The following UPP2 variants were observed in gnomAD, a reference collection of about 807,000 sequenced individuals.
The protein encoded by UPP2 is uridine phosphorylase 2.
In UPP2, 23 loss-of-function variants were observed where a neutral mutation model predicts 26.7. That is an observed-to-expected ratio of 0.86 (90% confidence interval 0.62 to 1.22). UPP2 has a LOEUF of 1.22. Among genes scored for constraint, UPP2 ranks in the 50% most tolerant of loss-of-function variants. The pLI, the probability that UPP2 is intolerant of heterozygous loss-of-function variation, is 0.00. For missense variants in UPP2, 387 were observed against 396.7 expected, an observed-to-expected ratio of 0.98 and a Z score of 0.21; for synonymous variants, 127 against 141.3, an observed-to-expected ratio of 0.90 and a Z score of 0.72.
rs1199734832 is a variant in UPP2 at position 158,121,587 on chromosome 2, A to G, written c.633A>G (p.Gly211=). The G allele has an allele frequency of 6.2e-7, 1 of 1,613,436 alleles. No homozygotes were observed. Among genetic ancestry groups the G allele is most frequent in the African/African-American group, 1.3e-5 (1 of 75,046 alleles). Residue 211 remains glycine, a synonymous_variant, in exon 5 of 7, where the codon GGA becomes GGG. Transcript: ENST00000005756. ...KEIPNFPTLV[G]HTMCTYDFYE... ...TCCCCAACTTCCCAACCCTCGTTGG[A>G]CATACAATGTGTACCTATGATTTTT...
chr2:158,009,713 T>C (rs916040312), intron 2 of UPP2, among the ~76,000 whole-genome samples: 1 of 152,236 alleles, frequency 6.6e-6, no homozygotes, highest in South Asian at 2.1e-4. Flanking sequence ...GGAACAGGAA[T>C]GCTTCCTCTT....
At chr2:158,015,966 G>A (rs532011163) in intron 3 of UPP2, 6 of 334,468 alleles carry the variant, frequency 1.8e-5, no homozygotes, top group South Asian at 4.4e-5. Context: ...AAGGACTAAC[G>A]CATATACCCA....
chr2:158,026,841 A>T (rs994834041), intron 3 of UPP2, among the ~76,000 whole-genome samples: 1 of 152,192 alleles, frequency 6.6e-6, no homozygotes, highest in African/African-American at 2.4e-5. Context: ...CCTCAGAATC[A>T]TGGTGGGAGG....
intron 3 of UPP2, among the ~76,000 whole-genome samples, chr2:158,022,021 C>T (rs1431282829): frequency 6.6e-6 from 1 of 150,550 alleles, no homozygotes; most frequent in Non-Finnish European, 1.5e-5. Flanking sequence ...GGAAGCCATA[C>T]CATAAAGTCA....
At chr2:158,010,707 T>C (rs1262004502) in intron 2 of UPP2, among the ~76,000 whole-genome samples, 1 of 151,980 alleles carries the variant, frequency 6.6e-6, no homozygotes, top group East Asian at 1.9e-4. Context: ...TATTAATAGG[T>C]AAAAGGTAAT....
chr2:158,004,615 C>T (rs1683461282), intron 2 of UPP2, among the ~76,000 whole-genome samples: 1 of 152,186 alleles, frequency 6.6e-6, no homozygotes. Context: ...CCTCATGAAG[C>T]TCTCTCCTCC....
intron 3 of UPP2, among the ~76,000 whole-genome samples, chr2:158,079,902 G>A (rs143732671): frequency 0.01 from 1,544 of 152,106 alleles, 92 homozygotes; most frequent in Admixed American, 0.092. Context: ...TTTCCTGTCT[G>A]TCAGGCACTA....
chr2:158,037,116 T>C (rs1684014332), intron 3 of UPP2, among the ~76,000 whole-genome samples: 1 of 152,190 alleles, frequency 6.6e-6, no homozygotes, highest in Non-Finnish European at 1.5e-5. Flanking sequence ...GGCTCACACC[T>C]GTAATCCCAG....
In UPP2 at chr2:158,101,880, G is replaced by A. The variant is rs1344060508; in HGVS notation, c.-184G>A. The A allele has an allele frequency of 7.4e-7, 1 of 1,343,866 alleles. No individual in the cohort carries two copies. Among genetic ancestry groups the A allele is most frequent in the Non-Finnish European group, 9.5e-7 (1 of 1,052,116 alleles). The allele number at this position is 1,343,866 out of a possible 1,614,324, so 83.2% of individuals were successfully genotyped here. ...AGGGAGGACATCTTTTATTTGATAG[G>A]AAAATTTAAAATGCTAAAGGAAAAA... On this transcript the variant is annotated 5_prime_UTR_variant, in exon 1 of 7. Coordinates refer to ENST00000005756, the MANE Select transcript of UPP2 (RefSeq NM_173355.4).
chr2:157,996,057 A>G (rs1290705003), intron 2 of UPP2, among the ~76,000 whole-genome samples: 1 of 152,202 alleles, frequency 6.6e-6, no homozygotes, highest in Non-Finnish European at 1.5e-5. Flanking sequence ...TGTTTTTAAA[A>G]GTTCAGATCT....
intron 3 of UPP2, among the ~76,000 whole-genome samples, chr2:158,079,027 C>T (rs571689947): frequency 1.3e-3 from 193 of 152,172 alleles, no homozygotes; most frequent in African/African-American, 4.5e-3. Context: ...ACAGTGAGTC[C>T]TCATGAGATC....
intron 2 of UPP2, among the ~76,000 whole-genome samples, chr2:158,010,851 T>C (rs1029176444): frequency 1.3e-5 from 2 of 151,284 alleles, no homozygotes; most frequent in African/African-American, 4.9e-5. Context: ...CTGCAATCTC[T>C]GCCTCCTGGG....
At chr2:158,012,558 G>A (rs954138995) in intron 2 of UPP2, among the ~76,000 whole-genome samples, 3 of 151,908 alleles carry the variant, frequency 2.0e-5, no homozygotes, top group Admixed American at 6.6e-5. Flanking sequence ...GTGAGCCACC[G>A]TGCCTAGCTG....
Position 158,123,740 on chromosome 2 carries a change from C to T in UPP2, c.665-9C>T. 6.2e-7 allele frequency: 1 copy of T among 1,612,372 alleles called. No homozygotes were observed. Among genetic ancestry groups the T allele is most frequent in the Non-Finnish European group, 8.5e-7 (1 of 1,179,158 alleles). ...ATCAAGTCACTAAACGTTCTCCCCTCCCTTTCAGGCCAAGGCCGACTAGAT... is the reference window on the plus strand; with the variant it reads ...ATCAAGTCACTAAACGTTCTCCCCTTCCTTTCAGGCCAAGGCCGACTAGAT... On this transcript the variant is annotated splice_polypyrimidine_tract_variant and intron_variant, in intron 5 of 6. Coordinates refer to ENST00000005756, the MANE Select transcript of UPP2 (RefSeq NM_173355.4).
At position 158,117,938 on chromosome 2, in the gene UPP2, G is replaced by C; in HGVS notation, c.454G>C (p.Gly152Arg). 6.2e-7 allele frequency: 1 copy of C among 1,602,776 alleles called. No homozygotes were observed. The highest frequency in any genetic ancestry group is 8.6e-7 in the Non-Finnish European group (1 of 1,169,536). Residue 152 changes from glycine (G) to arginine (R), a missense_variant and splice_region_variant, in exon 4 of 7, where the codon GGG (glycine) becomes CGG (arginine). Gly to Arg is a moderately radical substitution (Grantham distance 125). Coordinates refer to ENST00000005756, the MANE Select transcript of UPP2 (RefSeq NM_173355.4). ...TAGAATCGGTACATCAGGGGGAATA[G>C]GTGAGACGGATTGATGTCTACTATT... ...IIRIGTSGGI[G>R]IAPGTVVITD... is the part of the protein sequence containing the mutation.
intron 3 of UPP2, among the ~76,000 whole-genome samples, chr2:158,092,293 C>T (rs1682923830): frequency 6.6e-6 from 1 of 152,098 alleles, no homozygotes; most frequent in Admixed American, 6.6e-5. Context: ...AAAAGTCACA[C>T]CTAAACACAT....
At chr2:158,010,254 A>C (rs1683554782) in intron 2 of UPP2, among the ~76,000 whole-genome samples, 1 of 152,222 alleles carries the variant, frequency 6.6e-6, no homozygotes, top group African/African-American at 2.4e-5. Context: ...ATTATGTATC[A>C]CTTTCCCAAA....
In UPP2 at chr2:158,101,913, A is replaced by G; in HGVS notation, c.-151A>G. 7.4e-7 allele frequency: 1 copy of G among 1,359,448 alleles called. No homozygotes were observed. Among genetic ancestry groups the G allele is most frequent in the Non-Finnish European group, 9.5e-7 (1 of 1,057,278 alleles). The allele number at this position is 1,359,448 out of a possible 1,614,324, so 84.2% of individuals were successfully genotyped here. A position where few individuals can be genotyped will look rare whatever the true frequency, so the allele number is the denominator to read the frequency against. On this transcript the variant is annotated 5_prime_UTR_variant, in exon 1 of 7. The change abolishes the stop of an existing upstream ORF in the 5' untranslated region. Coordinates refer to ENST00000005756, the MANE Select transcript of UPP2 (RefSeq NM_173355.4). ...AAAATGCTAAAGGAAAAATTTTCTT[A>G]GCAATTTCACAGGAAAACCTAAGTT...
At chr2:158,040,076 G>C (rs1044867785) in intron 3 of UPP2, among the ~76,000 whole-genome samples, 1 of 152,198 alleles carries the variant, frequency 6.6e-6, no homozygotes, top group Non-Finnish European at 1.5e-5. Flanking sequence ...ATCTTTGTGG[G>C]CTGACTGCAG....
Sources: allele counts gnomAD v4.1 joint callset (sites outside exome capture counted in the v4.1 genomes callset), GRCh38; gene constraint gnomAD v4.1.1; transcripts MANE v1.5; gene names NCBI Gene and HGNC (gene_info 2026-07-23, HGNC 2026-07-21).